The following PHF3 variants were observed in gnomAD, a reference collection of about 807,000 sequenced individuals.
PHF3 encodes PHD finger protein 3.
In PHF3, 41 loss-of-function variants were observed where a neutral mutation model predicts 178.4. The ratio of observed to expected loss-of-function variants is 0.23; its 90% CI spans 0.18 to 0.30. The LOEUF is 0.30. Ranked by LOEUF, PHF3 falls within the 10% of genes least tolerant of loss-of-function variation. The pLI, the probability that PHF3 is intolerant of heterozygous loss-of-function variation, is 1.00. For missense variants in PHF3, 2,346 were observed against 2,398.1 expected (o/e 0.98, Z 0.45); for synonymous variants, 842 against 800.5 (o/e 1.05, Z -0.88).
chr6:63,673,155 G>GT (rs1395182698), intron 2 of PHF3, among the ~76,000 whole-genome samples: 3 of 151,630 alleles, frequency 2.0e-5, no homozygotes, highest in Non-Finnish European at 4.4e-5. Flanking sequence ...ATTACCAAAT[G>GT]TGCAGGATTA....
At chr6:63,709,525 C>T (rs564622312) in intron 14 of PHF3, among the ~76,000 whole-genome samples, 2 of 152,030 alleles carry the variant, frequency 1.3e-5, no homozygotes, top group African/African-American at 4.8e-5. Flanking sequence ...GGAATTTTGC[C>T]TTGCTTCTAT....
rs1764301984 is a variant in PHF3 at position 63,635,834 on chromosome 6, T to G, written c.-342T>G. 1 of 395,616 alleles carries G rather than the reference T, an allele frequency of 2.5e-6. No homozygotes were observed. Among genetic ancestry groups the G allele is most frequent in the African/African-American group, 2.1e-5 (1 of 48,388 alleles). The allele number at this position is 395,616 out of a possible 1,614,324, so 24.5% of individuals were successfully genotyped here. A position where few individuals can be genotyped will look rare whatever the true frequency, so the allele number is the denominator to read the frequency against. On this transcript the variant is annotated 5_prime_UTR_variant, in exon 1 of 16. Transcript: ENST00000262043. ...TCACGTGACACGGCCCCTCTCCAGC[T>G]CCCGCGCCGCCGCCGCACGCCGATG... is the stretch of plus-strand genomic sequence containing the variant.
Position 63,646,600 on chromosome 6 carries a change from G to A in PHF3, c.49G>A (p.Asp17Asn). Residue 17 changes from aspartate to asparagine, a missense_variant, in exon 2 of 16, where the codon GAT (aspartate) becomes AAT (asparagine). By Grantham distance (23) the Asp-to-Asn change is conservative. This residue lies in a region of PHF3 where 843 missense variants were observed against 795.2 expected (regional missense o/e 1.06). Transcript: ENST00000262043. ...TCATTTAATTCCTACTGAACACTTA[G>A]ATGATGCCCTATTTCTAGGATCCAA... is the stretch of plus-strand genomic sequence containing the variant. ...FNHLIPTEHL[D>N]DALFLGSNLE... 2 of 1,613,036 alleles carry A rather than the reference G, an allele frequency of 1.2e-6. No homozygotes were observed. Among genetic ancestry groups the A allele is most frequent in the East Asian group, 2.2e-5 (1 of 44,820 alleles).
Position 63,698,355 on chromosome 6 carries a change from T to C in PHF3, c.2813T>C (p.Ile938Thr), listed in dbSNP as rs1452363561. The C allele has an allele frequency of 1.9e-6, 3 of 1,609,954 alleles. No individual in the cohort carries two copies. Among genetic ancestry groups the C allele is most frequent in the Admixed American group, 3.3e-5 (2 of 59,784 alleles). Residue 938 changes from isoleucine (I) to threonine (T), a missense_variant, in exon 7 of 16, where the codon ATT (isoleucine) becomes ACT (threonine). Transcript: ENST00000262043. ...AGTGTCAGACATTCTCTCAAAGACATTCTTATGAAGAGGTAACATATATTT... is the reference window on the plus strand; with the variant it reads ...AGTGTCAGACATTCTCTCAAAGACACTCTTATGAAGAGGTAACATATATTT... ...RQSVRHSLKD[I>T]LMKRLTDSNL...
Position 63,712,796 on chromosome 6 carries a change from A to G in PHF3, c.5208A>G (p.Ala1736=), listed in dbSNP as rs1768012294. The change falls in exon 16 of 16, where the codon GCA becomes GCG. Residue 1736 remains alanine (A), a synonymous_variant. Transcript: ENST00000262043. ...TACAGACTTCTCAAGCAGAACAAGC[A>G]AAACCCTTACAGGAGGATATTTTAA... The part of the protein sequence containing the change: ...ENIQTSQAEQ[A]KPLQEDILMQ... 6.2e-7 allele frequency: 1 copy of G among 1,614,052 alleles called. No individual in the cohort carries two copies. The highest frequency in any genetic ancestry group is 8.5e-7 in the Non-Finnish European group (1 of 1,179,984).
chr6:63,705,194 G>C (rs879812403), intron 11 of PHF3, among the ~76,000 whole-genome samples: 1 of 152,132 alleles, frequency 6.6e-6, no homozygotes, highest in African/African-American at 2.4e-5. Context: ...ATTGGAATTT[G>C]GTAAAATTGT....
intron 1 of PHF3, among the ~76,000 whole-genome samples, chr6:63,644,787 C>T (rs1764712271): frequency 6.6e-6 from 1 of 151,958 alleles, no homozygotes; most frequent in Non-Finnish European, 1.5e-5. Flanking sequence ...TTATCACAAC[C>T]AAGATTTAGG....
At chr6:63,654,114 C>T (rs931838707) in intron 2 of PHF3, among the ~76,000 whole-genome samples, 8 of 152,094 alleles carry the variant, frequency 5.3e-5, no homozygotes, top group African/African-American at 1.9e-4. Flanking sequence ...GTTTTGGTAT[C>T]AGGGTACTGT....
At chr6:63,677,853 T>C (rs537569901) in intron 2 of PHF3, among the ~76,000 whole-genome samples, 2 of 152,312 alleles carry the variant, frequency 1.3e-5, no homozygotes, top group South Asian at 2.1e-4. Flanking sequence ...ATATATGCTT[T>C]TCTACAGAAT....
chr6:63,697,028 G>A (rs1190764348), intron 6 of PHF3, among the ~76,000 whole-genome samples: 2 of 152,140 alleles, frequency 1.3e-5, no homozygotes, highest in Non-Finnish European at 2.9e-5. Flanking sequence ...TAGCATGTTT[G>A]TAAGACTAAT....
intron 2 of PHF3, among the ~76,000 whole-genome samples, chr6:63,656,042 C>T (rs1405337540): frequency 6.6e-6 from 1 of 152,226 alleles, no homozygotes; most frequent in Non-Finnish European, 1.5e-5. Flanking sequence ...CAATTGAACT[C>T]AGAGTTAAAA....
chr6:63,725,029 A>G lies in PHF3; in HGVS notation c.*11321A>G, dbSNP rs1768557137. ...TCAAATAAACTTGTTATATCACTTG[A>G]TTACTAAAAAATAAGTTTATGCCTT... On this transcript the variant is annotated 3_prime_UTR_variant, in exon 16 of 16. Transcript: ENST00000262043. Among the ~76,000 whole-genome samples the G allele has an allele frequency of 1.3e-5, 2 of 152,150 alleles. No individual in the cohort carries two copies. The highest frequency in any genetic ancestry group is 2.9e-5 in the Non-Finnish European group (2 of 67,976).
chr6:63,721,264 G>A lies in PHF3; in HGVS notation c.*7556G>A, dbSNP rs1459462934. ...TGGTCAGGTATACATAAAGATTGGT[G>A]GAGGCAAAGATTATTCAAACAGGAC... On this transcript the variant is annotated 3_prime_UTR_variant, in exon 16 of 16. Coordinates refer to ENST00000262043, the MANE Select transcript of PHF3 (RefSeq NM_001370348.2). The A allele has an allele frequency of 6.4e-7, 1 of 1,551,784 alleles. No individual in the cohort carries two copies. The highest frequency in any genetic ancestry group is 1.4e-5 in the African/African-American group (1 of 73,034).
chr6:63,711,277 C>G lies in PHF3; in HGVS notation c.3912C>G (p.Asn1304Lys), dbSNP rs774047729. 33 of 1,613,528 alleles carry G rather than the reference C, an allele frequency of 2.0e-5. No individual in the cohort carries two copies. Among genetic ancestry groups the G allele is most frequent in the Non-Finnish European group, 2.0e-5 (24 of 1,179,676 alleles). ...AGCGCTATGGAGTAGCTGCTAACAA[C>G]ATGAAGCAGGTTAAAGATATGTACC... The part of the protein sequence containing the change: ...SRKRYGVAAN[N>K]MKQVKDMYLI... The change falls in exon 15 of 16, where the codon AAC (asparagine) becomes AAG (lysine). Residue 1304 changes from asparagine to lysine, a missense_variant. By Grantham distance (94) the Asn-to-Lys change is moderately conservative (BLOSUM62 0). Around this residue, in one of 8 missense-constraint regions of PHF3, gnomAD observed 90 missense variants for 136.6 expected, o/e 0.66. Transcript: ENST00000262043.
At chr6:63,676,688 G>A (rs1402873558) in intron 2 of PHF3, among the ~76,000 whole-genome samples, 2 of 152,152 alleles carry the variant, frequency 1.3e-5, no homozygotes, top group Non-Finnish European at 2.9e-5. Context: ...AGGATTTTGG[G>A]CTTTATGTCT....
At position 63,661,349 on chromosome 6, in the gene PHF3, T is replaced by G. The variant is rs73439245; in HGVS notation, c.244+14554T>G. The stretch of plus-strand genomic sequence containing the variant: ...ACTAGAAGTTAAGAAAATAAAATGT[T>G]TGATGCAGGTGGGGTACAACTTTGC... On this transcript the variant is annotated intron_variant, in intron 2 of 15. Transcript: ENST00000262043. 5.8e-4 allele frequency among the ~76,000 whole-genome samples: 89 copies of G among 152,270 alleles called. 1 individual carries two copies. Among genetic ancestry groups the G allele is most frequent in the African/African-American group, 2.0e-3 (85 of 41,558 alleles).
rs756917706 is a variant in PHF3, at chr6:63,723,023, C to G, written c.*9315C>G. On this transcript the variant is annotated 3_prime_UTR_variant, in exon 16 of 16. Transcript: ENST00000262043. ...TTTGGTTTGGTCCAACAGTTGATTC[C>G]CAGCACCCAAAACGGTATCTGGCCC... Among the ~76,000 whole-genome samples, 3 of 152,078 alleles carry G rather than the reference C, an allele frequency of 2.0e-5. No individual in the cohort carries two copies. The highest frequency in any genetic ancestry group is 4.4e-5 in the Non-Finnish European group (3 of 68,024).
intron 2 of PHF3, among the ~76,000 whole-genome samples, chr6:63,649,615 T>C (rs902261039): frequency 2.0e-5 from 3 of 152,304 alleles, no homozygotes; most frequent in Non-Finnish European, 2.9e-5. Flanking sequence ...ATCATAGTTT[T>C]AGAAAATTAT....
In PHF3 at chr6:63,715,956, T is replaced by TA. The variant is rs35378565; in HGVS notation, c.*2255dup. On this transcript the variant is annotated 3_prime_UTR_variant, in exon 16 of 16. Coordinates refer to ENST00000262043, the MANE Select transcript of PHF3 (RefSeq NM_001370348.2). ...CTGTTTTAAGAAAAAACCTGCTCTT[T>TA]AAAAAAAGTTTTACACTTAAAAAAA... 1.3e-5 allele frequency among the ~76,000 whole-genome samples: 2 copies of TA among 152,130 alleles called. No individual in the cohort carries two copies. The highest frequency in any genetic ancestry group is 2.1e-4 in the South Asian group (1 of 4,820).
Sources: allele counts gnomAD v4.1 joint callset (sites outside exome capture counted in the v4.1 genomes callset), GRCh38; gene constraint gnomAD v4.1.1; regional missense constraint gnomAD v4.1.1; transcripts MANE v1.5; gene names NCBI Gene and HGNC (gene_info 2026-07-23, HGNC 2026-07-21).